The following ASTN2 variants were observed in gnomAD, a reference collection of about 807,000 sequenced individuals.
ASTN2 encodes astrotactin 2.
A neutral mutation model predicts 139.8 loss-of-function variants in ASTN2; 54 were observed. The ratio of observed to expected loss-of-function variants is 0.39; its 90% confidence interval spans 0.31 to 0.48. ASTN2 has a LOEUF of 0.48. ASTN2 is among the 20% of genes least tolerant of loss of function. The pLI is 0.95. For missense variants in ASTN2, 1,565 were observed against 1,725.1 expected (o/e 0.91, Z 1.64); for synonymous variants, 756 against 719.5 (o/e 1.05, Z -0.81).
At chr9:116,905,359 G>A (rs758785816) in intron 10 of ASTN2, among the ~76,000 whole-genome samples, 4 of 152,202 alleles carry the variant, frequency 2.6e-5, no homozygotes, top group African/African-American at 7.2e-5. Context: ...TATAAAAGGA[G>A]ACGAAGGGCC....
chr9:116,822,850 T>C (rs567494236), intron 11 of ASTN2, among the ~76,000 whole-genome samples: 1 of 152,370 alleles, frequency 6.6e-6, no homozygotes, highest in African/African-American at 2.4e-5. Context: ...GTTATGCAGA[T>C]GTGATTGTGT....
At chr9:117,332,997 G>A (rs1382581960) in intron 1 of ASTN2, among the ~76,000 whole-genome samples, 2 of 152,172 alleles carry the variant, frequency 1.3e-5, no homozygotes, top group African/African-American at 4.8e-5. Context: ...GAGATAGGGA[G>A]TTGATAGTTA....
At chr9:117,189,506 T>C (rs550291460) in intron 3 of ASTN2, among the ~76,000 whole-genome samples, 3 of 152,220 alleles carry the variant, frequency 2.0e-5, no homozygotes, top group African/African-American at 7.2e-5. Flanking sequence ...CTCCCCTCCC[T>C]GGGTCTCTGT....
chr9:116,956,523 A>G (rs1835712915), intron 10 of ASTN2, among the ~76,000 whole-genome samples: 1 of 150,092 alleles, frequency 6.7e-6, no homozygotes, highest in Non-Finnish European at 1.5e-5. Flanking sequence ...AAAATTAAAT[A>G]TAAAATATTG....
chr9:117,361,080 G>T (rs1028180904), intron 1 of ASTN2, among the ~76,000 whole-genome samples: 6 of 152,256 alleles, frequency 3.9e-5, no homozygotes, highest in African/African-American at 1.4e-4. Context: ...TGCCACTCCT[G>T]TGACCTCCAT....
At chr9:117,097,979 A>G (rs973004591) in intron 4 of ASTN2, among the ~76,000 whole-genome samples, 4 of 152,212 alleles carry the variant, frequency 2.6e-5, no homozygotes, top group Admixed American at 2.6e-4. Flanking sequence ...GGTGTAATTA[A>G]CAAACTAGAT....
At chr9:116,706,490 C>T (rs1026272821) in intron 16 of ASTN2, among the ~76,000 whole-genome samples, 8 of 152,156 alleles carry the variant, frequency 5.3e-5, no homozygotes, top group Non-Finnish European at 1.0e-4. Context: ...GGCTCCTCTA[C>T]TTTCCCTGCT....
At chr9:117,209,270 G>GA (rs1363746079) in intron 3 of ASTN2, among the ~76,000 whole-genome samples, 1 of 151,946 alleles carries the variant, frequency 6.6e-6, no homozygotes, top group Non-Finnish European at 1.5e-5. Context: ...ACAAAAGGAT[G>GA]AAAAAATAAG....
chr9:116,620,473 A>C, intron 17 of ASTN2, 30 bp from the exon 18 acceptor site: 2 of 1,613,630 alleles, frequency 1.2e-6, no homozygotes, highest in Non-Finnish European at 1.7e-6. Flanking sequence ...AGAATAGACA[A>C]TGATGACAAC....
intron 2 of ASTN2, among the ~76,000 whole-genome samples, chr9:117,287,199 G>GA (rs541970385): frequency 3.3e-5 from 5 of 151,756 alleles, no homozygotes; most frequent in Admixed American, 6.6e-5. Context: ...TCCGTGCCTA[G>GA]AAAAAAAATC....
At chr9:116,660,444 C>T (rs1858494344) in intron 16 of ASTN2, among the ~76,000 whole-genome samples, 1 of 152,138 alleles carries the variant, frequency 6.6e-6, no homozygotes. Context: ...AGACCTTAAC[C>T]TCTCTAAGCC....
At chr9:116,840,248 C>G (rs1564297496) in intron 11 of ASTN2, among the ~76,000 whole-genome samples, 1 of 150,116 alleles carries the variant, frequency 6.7e-6, no homozygotes, top group African/African-American at 2.5e-5. Context: ...TAGTACAGAA[C>G]AAAATGAAAA....
intron 19 of ASTN2, among the ~76,000 whole-genome samples, chr9:116,497,724 AG>A (rs2119124196): frequency 6.6e-6 from 1 of 152,182 alleles, no homozygotes; most frequent in East Asian, 1.9e-4. Context: ...CAGGCTGGGG[AG>A]AAGGGGGAGG....
At chr9:117,279,720 T>C (rs1834280649) in intron 2 of ASTN2, among the ~76,000 whole-genome samples, 1 of 152,196 alleles carries the variant, frequency 6.6e-6, no homozygotes, top group African/African-American at 2.4e-5. Context: ...TCAACATTTT[T>C]CATAACTATA....
chr9:116,803,224 T>C (rs370199071), intron 13 of ASTN2, among the ~76,000 whole-genome samples: 16 of 151,912 alleles, frequency 1.1e-4, no homozygotes, highest in African/African-American at 3.6e-4. Context: ...ATTAAAATTA[T>C]AGAAAACTAG....
chr9:117,363,853 C>T (rs151049154), intron 1 of ASTN2, among the ~76,000 whole-genome samples: 93 of 152,234 alleles, frequency 6.1e-4, no homozygotes, highest in Middle Eastern at 3.4e-3. Context: ...CCTCAGCCAC[C>T]GGCAGACATC....
intron 1 of ASTN2, among the ~76,000 whole-genome samples, chr9:117,354,691 T>C (rs1050930482): frequency 1.2e-4 from 18 of 151,910 alleles, no homozygotes; most frequent in Non-Finnish European, 1.9e-4. Context: ...ACTCCATCCC[T>C]CCTCCTTCCC....
chr9:116,534,464 T>C (rs941217604), intron 19 of ASTN2, among the ~76,000 whole-genome samples: 1 of 152,238 alleles, frequency 6.6e-6, no homozygotes, highest in Non-Finnish European at 1.5e-5. Context: ...AGGGTGTCAA[T>C]TTTAGATCTT....
chr9:116,810,326 G>C (rs567734233), intron 12 of ASTN2, among the ~76,000 whole-genome samples: 1 of 152,292 alleles, frequency 6.6e-6, no homozygotes, highest in Admixed American at 6.5e-5. Context: ...CTATGCTGTA[G>C]AGGTTTATCG....
Sources: allele counts gnomAD v4.1 joint callset (sites outside exome capture counted in the v4.1 genomes callset), GRCh38; gene constraint gnomAD v4.1.1; transcripts MANE v1.5; gene names NCBI Gene and HGNC (gene_info 2026-07-23, HGNC 2026-07-21).